The following TASP1 variants were observed in gnomAD, a reference collection of about 807,000 sequenced individuals.
TASP1 encodes the protein taspase 1, also known as threonine aspartase 1.
A neutral mutation model predicts 56.6 loss-of-function variants in TASP1; 16 were observed. The observed-to-expected ratio is 0.28, with a 90% CI of 0.19 to 0.43. The LOEUF is 0.43. TASP1 is among the 20% of genes least tolerant of loss of function. The pLI is 1.00. For missense variants in TASP1, 393 were observed against 511.6 expected, an observed-to-expected ratio of 0.77 and a Z score of 2.24; for synonymous variants, 179 against 184.2, an observed-to-expected ratio of 0.97 and a Z score of 0.23.
At chr20:13,367,527 G>A in the TASP1 span, among the ~76,000 whole-genome samples, 1 of 152,164 alleles carries the variant, frequency 6.6e-6, no homozygotes, top group African/African-American at 2.4e-5. Context: ...ATCCTTTAAT[G>A]TGCCTGATGA....
chr20:13,209,679 T>TA, the TASP1 span, among the ~76,000 whole-genome samples: 4 of 152,122 alleles, frequency 2.6e-5, no homozygotes, highest in South Asian at 2.1e-4. Flanking sequence ...TAACATTATC[T>TA]AAAAAAAATC....
At chr20:13,481,055 CTTTCT>C (rs1347630806) in intron 11 of TASP1, among the ~76,000 whole-genome samples, 1 of 152,060 alleles carries the variant, frequency 6.6e-6, no homozygotes, top group Non-Finnish European at 1.5e-5. Flanking sequence ...CTTATTCATT[CTTTCT>C]TATTTTTTTG....
chr20:13,446,598 A>G (rs932017602), intron 11 of TASP1, among the ~76,000 whole-genome samples: 2 of 152,118 alleles, frequency 1.3e-5, no homozygotes, highest in Admixed American at 6.6e-5. Flanking sequence ...TGTAGGCAAA[A>G]GCCACACCAA....
chr20:13,155,361 C>A, the TASP1 span, among the ~76,000 whole-genome samples: 2 of 152,124 alleles, frequency 1.3e-5, no homozygotes, highest in African/African-American at 4.8e-5. Context: ...TCTCTAATAG[C>A]CTGACTAGAT....
the TASP1 span, among the ~76,000 whole-genome samples, chr20:13,346,836 A>G: frequency 5.3e-5 from 8 of 152,356 alleles, no homozygotes; most frequent in East Asian, 1.2e-3. Context: ...CCAGGAGGGC[A>G]TTTCAATACA....
intron 2 of TASP1, among the ~76,000 whole-genome samples, chr20:13,626,297 C>T (rs995180620): frequency 2.6e-5 from 4 of 152,214 alleles, no homozygotes; most frequent in South Asian, 2.1e-4. Flanking sequence ...CATGGTGGCA[C>T]ATGCCTGTAA....
intron 4 of TASP1, among the ~76,000 whole-genome samples, chr20:13,623,193 C>A (rs546960719): frequency 6.6e-6 from 1 of 151,942 alleles, no homozygotes; most frequent in East Asian, 1.9e-4. Flanking sequence ...ACTTAAGTAT[C>A]CAATCCTTAA....
At chr20:13,229,609 G>A in the TASP1 span, among the ~76,000 whole-genome samples, 4 of 152,134 alleles carry the variant, frequency 2.6e-5, no homozygotes, top group African/African-American at 9.7e-5. Flanking sequence ...CATATTATGA[G>A]TAAGACCATG....
At chr20:13,257,164 C>T in the TASP1 span, among the ~76,000 whole-genome samples, 13 of 152,252 alleles carry the variant, frequency 8.5e-5, no homozygotes, top group African/African-American at 3.1e-4. Context: ...CTATATTTTC[C>T]TGTATGTCTT....
At chr20:13,382,249 G>A in the TASP1 span, among the ~76,000 whole-genome samples, 2 of 152,170 alleles carry the variant, frequency 1.3e-5, no homozygotes, top group African/African-American at 4.8e-5. Flanking sequence ...TTCTTAATTT[G>A]TTTTATGCTC....
chr20:13,617,632 A>T (rs1390122066), intron 4 of TASP1, among the ~76,000 whole-genome samples: 1 of 152,194 alleles, frequency 6.6e-6, no homozygotes, highest in Non-Finnish European at 1.5e-5. Context: ...CAAAAAATAA[A>T]AATGTACAGG....
At chr20:13,315,136 AAAC>A in the TASP1 span, among the ~76,000 whole-genome samples, 1 of 152,112 alleles carries the variant, frequency 6.6e-6, no homozygotes, top group African/African-American at 2.4e-5. Flanking sequence ...AAACAGCAAA[AAAC>A]AACAAGGACA....
At chr20:13,304,900 G>A in the TASP1 span, among the ~76,000 whole-genome samples, 6 of 152,078 alleles carry the variant, frequency 3.9e-5, no homozygotes, top group African/African-American at 9.6e-5. Context: ...ACTAGTACTC[G>A]CTGGAATCTT....
At chr20:13,556,530 G>A (rs1030023277) in intron 8 of TASP1, among the ~76,000 whole-genome samples, 1 of 152,006 alleles carries the variant, frequency 6.6e-6, no homozygotes, top group African/African-American at 2.4e-5. Flanking sequence ...TAAAATTCTT[G>A]AATAAAATTA....
At chr20:13,276,969 T>C in the TASP1 span, among the ~76,000 whole-genome samples, 1 of 152,148 alleles carries the variant, frequency 6.6e-6, no homozygotes, top group Non-Finnish European at 1.5e-5. Flanking sequence ...TGTTTTGTGT[T>C]TTGTTTTTGT....
At chr20:13,202,269 T>A in the TASP1 span, among the ~76,000 whole-genome samples, 1 of 152,188 alleles carries the variant, frequency 6.6e-6, no homozygotes, top group Non-Finnish European at 1.5e-5. Flanking sequence ...TGTCATTCAA[T>A]GGAGTTGGAA....
At chr20:13,224,781 T>C in the TASP1 span, among the ~76,000 whole-genome samples, 1 of 151,978 alleles carries the variant, frequency 6.6e-6, no homozygotes, top group Non-Finnish European at 1.5e-5. Flanking sequence ...TTAAGATTTA[T>C]TAAGTGCCTT....
chr20:13,453,875 G>A (rs1444165632), intron 11 of TASP1, among the ~76,000 whole-genome samples: 2 of 151,996 alleles, frequency 1.3e-5, no homozygotes, highest in Non-Finnish European at 2.9e-5. Flanking sequence ...GAGGCTGATA[G>A]GGCCAAGAGG....
chr20:13,214,562 C>CACACAGAGAGAGAG, the TASP1 span, among the ~76,000 whole-genome samples: 1 of 111,302 alleles, frequency 9.0e-6, no homozygotes, highest in African/African-American at 3.3e-5. Context: ...CACACACACA[C>CACACAGAGAGAGAG]AGAGAGAGAG....
Sources: gnomAD v4.1 joint callset for allele counts (sites outside exome capture counted in the v4.1 genomes callset) on GRCh38, gnomAD v4.1.1 for gene constraint, MANE v1.5 for transcripts, NCBI Gene and HGNC (gene_info 2026-07-23, HGNC 2026-07-21) for gene names.